The following MAN1C1 variants were observed in gnomAD, a reference collection of about 807,000 sequenced individuals.
The protein encoded by MAN1C1 is mannosyl-oligosaccharide 1,2-alpha-mannosidase IC.
In MAN1C1, 49 loss-of-function variants were observed where a neutral mutation model predicts 71.5. The ratio of observed to expected loss-of-function variants is 0.69; its 90% confidence interval spans 0.54 to 0.87. The LOEUF (loss-of-function observed/expected upper bound fraction) is 0.87. Among genes scored for constraint, MAN1C1 ranks in the 40% least tolerant of loss-of-function variants. MAN1C1 has a pLI of 0.00. For synonymous variants in MAN1C1, 352 were observed against 343.7 expected (o/e 1.02, Z -0.27); for missense variants, 743 against 835.0 (o/e 0.89, Z 1.36).
Position 25,769,797 on chromosome 1 carries a change from A to G in MAN1C1, c.1142-1860A>G, listed in dbSNP as rs1423125946. On this transcript the variant is annotated intron_variant, in intron 7 of 11. Transcript: ENST00000374332. The surrounding 1 kb of genome is among the most constrained non-coding windows in gnomAD (Gnocchi z 4.8). The stretch of plus-strand genomic sequence containing the variant: ...GAGGCAGACCCGTACGCAGGCACTC[A>G]TCGCACACCCGGCGGGCACCCGATG... Among the ~76,000 whole-genome samples, 3 of 152,194 alleles carry G rather than the reference A, an allele frequency of 2.0e-5. No homozygotes were observed. Among genetic ancestry groups the G allele is most frequent in the African/African-American group, 7.2e-5 (3 of 41,464 alleles).
intron 2 of MAN1C1, among the ~76,000 whole-genome samples, chr1:25,729,581 G>A (rs897100706): frequency 1.3e-5 from 2 of 151,256 alleles, no homozygotes; most frequent in East Asian, 1.9e-4. Context: ...GCATGATCTC[G>A]GCTCACTGCA....
chr1:25,677,016 C>G (rs1014949321), intron 1 of MAN1C1, among the ~76,000 whole-genome samples: 1 of 152,204 alleles, frequency 6.6e-6, no homozygotes, highest in Non-Finnish European at 1.5e-5. Context: ...GAGTGGGCAT[C>G]TGTGCCTGGG....
At chr1:25,676,337 C>T (rs531392541) in intron 1 of MAN1C1, among the ~76,000 whole-genome samples, 14 of 152,242 alleles carry the variant, frequency 9.2e-5, no homozygotes, top group Non-Finnish European at 1.0e-4. Context: ...TCTACTCCCC[C>T]GCTTCACCTC....
chr1:25,622,066 A>G (rs1270748921), intron 1 of MAN1C1, among the ~76,000 whole-genome samples: 3 of 152,200 alleles, frequency 2.0e-5, no homozygotes, highest in Non-Finnish European at 4.4e-5. Flanking sequence ...GGTGTTTTCA[A>G]ACAAACCACA....
At chr1:25,724,104 C>T (rs2046802503) in intron 2 of MAN1C1, among the ~76,000 whole-genome samples, 1 of 151,440 alleles carries the variant, frequency 6.6e-6, no homozygotes, top group African/African-American at 2.4e-5. Flanking sequence ...TCTCGGCTCG[C>T]TGCAACCTCC....
intron 9 of MAN1C1, among the ~76,000 whole-genome samples, chr1:25,780,503 G>C (rs1437672433): frequency 6.6e-6 from 1 of 152,190 alleles, no homozygotes; most frequent in South Asian, 2.1e-4. Context: ...GCATATTAAA[G>C]GATCTGATAA....
intron 2 of MAN1C1, among the ~76,000 whole-genome samples, chr1:25,695,604 A>G (rs1209405430): frequency 6.6e-6 from 1 of 151,458 alleles, no homozygotes; most frequent in Non-Finnish European, 1.5e-5. Flanking sequence ...CCGCCGACCG[A>G]CCACTCACCG....
chr1:25,665,552 C>T (rs761762433), intron 1 of MAN1C1, among the ~76,000 whole-genome samples: 2 of 152,174 alleles, frequency 1.3e-5, no homozygotes, highest in Admixed American at 6.5e-5. Context: ...ACAGACCAAT[C>T]TCTGCCTCGA....
At chr1:25,632,081 ATTC>A (rs2045389984) in intron 1 of MAN1C1, among the ~76,000 whole-genome samples, 1 of 152,154 alleles carries the variant, frequency 6.6e-6, no homozygotes, top group South Asian at 2.1e-4. Flanking sequence ...TCCAGCCCCA[ATTC>A]TTCTTTGAAT....
chr1:25,689,488 G>A (rs1363018589), intron 2 of MAN1C1, among the ~76,000 whole-genome samples: 3 of 152,162 alleles, frequency 2.0e-5, no homozygotes, highest in Admixed American at 6.5e-5. Flanking sequence ...TCAGATTACT[G>A]TCACCACAAA....
At chr1:25,758,516 G>C in intron 5 of MAN1C1, 76 bp from the exon 6 acceptor site, 2 of 1,294,186 alleles carry the variant, frequency 1.5e-6, no homozygotes, top group Non-Finnish European at 2.2e-6. Context: ...CCCCCACCGA[G>C]CAGCTGCTGT....
rs1260534581 is a variant in MAN1C1, at chr1:25,769,066, CCACACTCCCACA to C, written c.1142-2585_1142-2574del. 8.8e-5 allele frequency among the ~76,000 whole-genome samples: 13 copies of C among 147,120 alleles called. No homozygotes were observed. Among genetic ancestry groups the C allele is most frequent in the South Asian group, 8.7e-4 (4 of 4,572 alleles). On this transcript the variant is annotated intron_variant, in intron 7 of 11. Coordinates refer to ENST00000374332, the MANE Select transcript of MAN1C1 (RefSeq NM_020379.4). The surrounding 1 kb of genome is among the most constrained non-coding windows in gnomAD (Gnocchi z 4.8). ...CACTCCCACACACACTACACACCAC[CCACACTCCCACA>C]CACACACCTATCACCCACACTCCCT...
At chr1:25,681,941 C>A (rs1482941637) in intron 1 of MAN1C1, among the ~76,000 whole-genome samples, 4 of 148,102 alleles carry the variant, frequency 2.7e-5, no homozygotes, top group Admixed American at 2.6e-4. Flanking sequence ...CTAGTCTAAC[C>A]CCCTATTTGC....
intron 8 of MAN1C1, among the ~76,000 whole-genome samples, chr1:25,774,379 T>A (rs2047592460): frequency 6.6e-6 from 1 of 152,110 alleles, no homozygotes; most frequent in Non-Finnish European, 1.5e-5. Flanking sequence ...ATGACGAAAC[T>A]GAGGGTCAGA....
chr1:25,771,928 C>T, intron 8 of MAN1C1, 156 bp downstream of exon 8: 1 of 616,704 alleles, frequency 1.6e-6, no homozygotes, highest in Middle Eastern at 4.2e-4. Context: ...GGACAGTCCC[C>T]TCCCAGCCAG....
rs111692876 is a variant in MAN1C1 at position 25,764,512 on chromosome 1, A to C, written c.1141+545A>C. 0.031 allele frequency among the ~76,000 whole-genome samples: 4,660 copies of C among 151,948 alleles called. 231 individuals are homozygous for C. Among genetic ancestry groups the C allele is most frequent in the African/African-American group, 0.11 (4,387 of 41,448 alleles). On this transcript the variant is annotated intron_variant, in intron 7 of 11. Transcript: ENST00000374332. The surrounding 1 kb of genome is among the most constrained non-coding windows in gnomAD (Gnocchi z 4.4). ...ACTGCAACCTCTGCCTCCCAGGTTC[A>C]AGTGATTCTCCTGACTCAGCCACCC...
chr1:25,705,304 C>T (rs968559188), intron 2 of MAN1C1, among the ~76,000 whole-genome samples: 1 of 152,218 alleles, frequency 6.6e-6, no homozygotes, highest in African/African-American at 2.4e-5. Context: ...TTTCTGCATA[C>T]ACAGAATCAT....
At chr1:25,720,694 T>C (rs2046750755) in intron 2 of MAN1C1, among the ~76,000 whole-genome samples, 1 of 152,244 alleles carries the variant, frequency 6.6e-6, no homozygotes, top group Non-Finnish European at 1.5e-5. Context: ...GTCCAGTGTA[T>C]CGATTTTTTT....
At chr1:25,649,719 C>A (rs1017610436) in intron 1 of MAN1C1, among the ~76,000 whole-genome samples, 1 of 152,172 alleles carries the variant, frequency 6.6e-6, no homozygotes, top group Non-Finnish European at 1.5e-5. Flanking sequence ...TTCCCTGCAA[C>A]CTGCCCCTCC....
Sources: allele counts gnomAD v4.1 joint callset (sites outside exome capture counted in the v4.1 genomes callset), GRCh38; gene constraint gnomAD v4.1.1; non-coding constraint Gnocchi (gnomAD v3.1); transcripts MANE v1.5; gene names NCBI Gene and HGNC (gene_info 2026-07-23, HGNC 2026-07-21).